Variants in DGAT1 observed in about 807,000 individuals in gnomAD.
DGAT1 encodes ACAT related gene product 1.
Under a neutral mutation model 72.6 loss-of-function variants are expected in DGAT1, and 60 were observed. That is an observed-to-expected ratio of 0.83 (90% CI 0.67 to 1.02). The LOEUF is 1.02. Among genes scored for constraint, DGAT1 ranks in the 50% least tolerant of loss-of-function variants. The pLI, the probability that DGAT1 is intolerant of heterozygous loss-of-function variation, is 0.00. For synonymous variants in DGAT1, 290 were observed against 267.5 expected (o/e 1.08, Z -0.82); for missense variants, 592 against 670.0 (o/e 0.88, Z 1.29).
In DGAT1 at chr8:144,314,692, A is replaced by G. The variant is rs1484244274; in HGVS notation, c.*1862T>C. ...CAGTGGATGGACGGACAAGACAGGC[A>G]GAGATCTATAAACAGACAGGCTCTA... is the stretch of plus-strand genomic sequence containing the variant. On this transcript the variant is annotated 3_prime_UTR_variant, in exon 17 of 17. Coordinates refer to ENST00000528718, the MANE Select transcript of DGAT1 (RefSeq NM_012079.6). 5 of 278,078 alleles carry G rather than the reference A, an allele frequency of 1.8e-5. No individual in the cohort carries two copies. The highest frequency in any genetic ancestry group is 2.3e-3 in the Middle Eastern group (2 of 858). 17.2% of individuals were successfully genotyped at this position (278,078 alleles called of 1,614,324 possible).
Position 144,317,544 on chromosome 8 carries a change from C to T in DGAT1, c.981G>A (p.Ala327=), listed in dbSNP as rs143753756. Residue 327 remains alanine, a splice_region_variant and synonymous_variant, in exon 12 of 17, where the codon GCG becomes GCA. Coordinates refer to ENST00000528718, the MANE Select transcript of DGAT1 (RefSeq NM_012079.6). ...SRIIERLLKL[A]VPNHLIWLIF... is the part of the protein sequence containing the mutation. ...GCATGCGCCACCTGTCCGCACTCAC[C>T]GCCAGCTTCAGGAGGCGCTCGATGA... 62 of 1,613,896 alleles carry T rather than the reference C, an allele frequency of 3.8e-5. No individual in the cohort carries two copies. Among genetic ancestry groups the T allele is most frequent in the Non-Finnish European group, 4.8e-5 (57 of 1,180,016 alleles).
intron 1 of DGAT1, among the ~76,000 whole-genome samples, chr8:144,322,603 C>T (rs1554848312): frequency 6.6e-6 from 1 of 152,238 alleles, no homozygotes; most frequent in African/African-American, 2.4e-5. Context: ...CCAACCTTTG[C>T]TCCCCAAGAC....
In DGAT1 at chr8:144,317,324, G is replaced by A. The variant is rs781966779; in HGVS notation, c.1094+9C>T. ...TCCCAGCCCCCAGGGACACCCCAGGGACACTCACCACCAGTCCCGGTAGAA... is the reference window on the plus strand; with the variant it reads ...TCCCAGCCCCCAGGGACACCCCAGGAACACTCACCACCAGTCCCGGTAGAA... On this transcript the variant is annotated intron_variant, in intron 13 of 16. Transcript: ENST00000528718. The A allele has an allele frequency of 8.1e-6, 13 of 1,613,480 alleles. No homozygotes were observed. In the South Asian group the frequency reaches 1.4e-4, roughly 18 times the overall value.
Position 144,314,784 on chromosome 8 carries a change from G to A in DGAT1, c.*1770C>T. ...GGTGGGTGGTGCTGCAATGAGGAGG[G>A]GCCCAGGGCACAGAAGGGCCGGGCT... On this transcript the variant is annotated 3_prime_UTR_variant, in exon 17 of 17. Coordinates refer to ENST00000528718, the MANE Select transcript of DGAT1 (RefSeq NM_012079.6). 2.3e-6 allele frequency: 1 copy of A among 437,224 alleles called. No individual in the cohort carries two copies. Among genetic ancestry groups the A allele is most frequent in the Non-Finnish European group, 3.1e-6 (1 of 323,750 alleles). 27.1% of individuals were successfully genotyped at this position (437,224 alleles called of 1,614,324 possible).
rs1476738638 is a variant in DGAT1, at chr8:144,318,107, G to C, written c.739C>G (p.Leu247Val). The C allele has an allele frequency of 6.5e-7, 1 of 1,535,364 alleles. No homozygotes were observed. Among genetic ancestry groups the C allele is most frequent in the Non-Finnish European group, 8.8e-7 (1 of 1,141,578 alleles). Residue 247 changes from leucine (L) to valine (V), a missense_variant, in exon 8 of 17, where the codon CTG becomes GTG. Physicochemically the swap from Leu to Val is conservative, Grantham distance 32. Transcript: ENST00000528718. ...APHTVSYPDN[L>V]TYRDLYYFLF... ...CAGAGGTCCTCACCGCGGTAGGTCAGATTGTCCGGGTAGCTCACGGTGTGC... is the reference window on the plus strand; with the variant it reads ...CAGAGGTCCTCACCGCGGTAGGTCACATTGTCCGGGTAGCTCACGGTGTGC...
At chr8:144,326,048 C>T (rs570293599) in intron 1 of DGAT1, among the ~76,000 whole-genome samples, 4 of 152,262 alleles carry the variant, frequency 2.6e-5, no homozygotes, top group Admixed American at 6.5e-5. Flanking sequence ...CCGCTCATAG[C>T]ACCAAGAAGG....
chr8:144,326,627 G>A lies in DGAT1; in HGVS notation c.10C>T (p.Arg4Cys). Reference protein sequence around the residue: MGDRGSSRRRRTGS... With the variant: MGDCGSSRRRRTGS... ...GTCCTCCGGCGCCGGGAGCTGCCGC[G>A]GTCGCCCATGGCCTCAGCCCGCACC... Residue 4 changes from arginine to cysteine, a missense_variant, in exon 1 of 17, where the codon CGC becomes TGC. Coordinates refer to ENST00000528718, the MANE Select transcript of DGAT1 (RefSeq NM_012079.6). 1 of 1,197,608 alleles carries A rather than the reference G, an allele frequency of 8.3e-7. No homozygotes were observed. Among genetic ancestry groups the A allele is most frequent in the Non-Finnish European group, 1.0e-6 (1 of 966,002 alleles). 74.2% of individuals were successfully genotyped at this position (1,197,608 alleles called of 1,614,324 possible).
chr8:144,319,172 G>A (rs1817370794), intron 2 of DGAT1, 104 bp from the exon 3 acceptor site: 8 of 1,390,450 alleles, frequency 5.8e-6, no homozygotes, highest in Admixed American at 2.0e-5. Flanking sequence ...CCGAGCTCAG[G>A]GCGGCAGCCT....
rs1430373799 is a variant in DGAT1 at position 144,315,136 on chromosome 8, TG to T, written c.*1417del. On this transcript the variant is annotated 3_prime_UTR_variant, in exon 17 of 17. Coordinates refer to ENST00000528718, the MANE Select transcript of DGAT1 (RefSeq NM_012079.6). ...AGGGAAGGGGGCCTGCGCTGGGCAG[TG>T]GAGCAGGCTTTGCTGCTTTATCTGG... 1.4e-5 allele frequency: 14 copies of T among 985,472 alleles called. No individual in the cohort carries two copies. The East Asian group carries it at 1.4e-3, about 96-fold the overall frequency. The allele number at this position is 985,472 out of a possible 1,614,324, so 61.0% of individuals were successfully genotyped here.
intron 16 of DGAT1, 37 bp from the exon 17 acceptor site, chr8:144,316,746 A>T: frequency 6.2e-7 from 1 of 1,605,318 alleles, no homozygotes. Flanking sequence ...GGCCATGGTG[A>T]CCACAGGGCT....
chr8:144,323,384 C>T (rs1817511115), intron 1 of DGAT1, among the ~76,000 whole-genome samples: 1 of 152,094 alleles, frequency 6.6e-6, no homozygotes, highest in Admixed American at 6.6e-5. Context: ...CAGGCCTGAC[C>T]AGCCCCACCC....
At chr8:144,325,586 G>A (rs1008546297) in intron 1 of DGAT1, among the ~76,000 whole-genome samples, 5 of 152,202 alleles carry the variant, frequency 3.3e-5, no homozygotes, top group African/African-American at 4.8e-5. Context: ...GGGGATGGAG[G>A]GTGGCAAGGG....
rs782749290 is a variant in DGAT1 at position 144,318,936 on chromosome 8, T to A, written c.330-16A>T. On this transcript the variant is annotated splice_polypyrimidine_tract_variant and intron_variant, in intron 3 of 16. Coordinates refer to ENST00000528718, the MANE Select transcript of DGAT1 (RefSeq NM_012079.6). ...GATGCCATACCTGGGGGTGGAGGGA[T>A]GGGGGTCTGAGTGGGTGGCAGGTGG... The A allele has an allele frequency of 1.8e-6, 2 of 1,119,854 alleles. No homozygotes were observed. Among genetic ancestry groups the A allele is most frequent in the Non-Finnish European group, 2.3e-6 (2 of 888,794 alleles). 69.4% of individuals were successfully genotyped at this position (1,119,854 alleles called of 1,614,324 possible).
At chr8:144,321,840 G>A (rs1296709275) in intron 1 of DGAT1, among the ~76,000 whole-genome samples, 1 of 152,262 alleles carries the variant, frequency 6.6e-6, no homozygotes, top group Non-Finnish European at 1.5e-5. Context: ...GGTGAGGGTT[G>A]AGTCCACCCT....
Position 144,315,414 on chromosome 8 carries a change from C to T in DGAT1, c.*1140G>A, listed in dbSNP as rs910331745. 14 of 985,386 alleles carry T rather than the reference C, an allele frequency of 1.4e-5. No individual in the cohort carries two copies. The East Asian group carries it at 6.8e-4, about 48-fold the overall frequency. The allele number at this position is 985,386 out of a possible 1,614,324, so 61.0% of individuals were successfully genotyped here. A position where few individuals can be genotyped will look rare whatever the true frequency, so the allele number is the denominator to read the frequency against. ...CAGTTCAGCAGGTTGCTGATGAGGC[C>T]CCTGGTGCAGTCCTGGGACCCTGTG... On this transcript the variant is annotated 3_prime_UTR_variant, in exon 17 of 17. Coordinates refer to ENST00000528718, the MANE Select transcript of DGAT1 (RefSeq NM_012079.6).
At chr8:144,326,413 T>G (rs1385292763) in intron 1 of DGAT1, 24 bp downstream of exon 1, 1 of 1,387,780 alleles carries the variant, frequency 7.2e-7, no homozygotes, top group African/African-American at 1.5e-5. Context: ...GGGTCAGAGG[T>G]TAGGGGGTCA....
Position 144,326,474 on chromosome 8 carries a change from C to CG in DGAT1, c.162dup (p.Gly55ArgfsTer25). 7.5e-7 allele frequency: 1 copy of CG among 1,336,008 alleles called. No homozygotes were observed. The highest frequency in any genetic ancestry group is 3.1e-5 in the East Asian group (1 of 32,032). The allele number at this position is 1,336,008 out of a possible 1,614,324, so 82.8% of individuals were successfully genotyped here. The stretch of plus-strand genomic sequence containing the variant: ...TGGCCGCTGCCCACGCCGGCGTCTC[C>CG]GTCCTTGTTGGGGGCCGGGGCTGGC... On this transcript the variant is annotated frameshift_variant, in exon 1 of 17. Coordinates refer to ENST00000528718, the MANE Select transcript of DGAT1 (RefSeq NM_012079.6). LOFTEE classifies it high-confidence loss of function.
Position 144,315,185 on chromosome 8 carries a change from T to C in DGAT1, c.*1369A>G, listed in dbSNP as rs1041935449. 4.1e-6 allele frequency: 4 copies of C among 985,458 alleles called. No homozygotes were observed. The highest frequency in any genetic ancestry group is 6.1e-5 in the Admixed American group (1 of 16,288). The allele number at this position is 985,458 out of a possible 1,614,324, so 61.0% of individuals were successfully genotyped here. A position where few individuals can be genotyped will look rare whatever the true frequency, so the allele number is the denominator to read the frequency against. ...TGGCAGCAACAGTTTGTTCTCGAGC[T>C]CCACTGGCCAACTGATAGGGAGAGG... On this transcript the variant is annotated 3_prime_UTR_variant, in exon 17 of 17. Coordinates refer to ENST00000528718, the MANE Select transcript of DGAT1 (RefSeq NM_012079.6).
In DGAT1 at chr8:144,317,208, G is replaced by C. The variant is rs146441969; in HGVS notation, c.1139C>G (p.Pro380Arg). 6.2e-7 allele frequency: 1 copy of C among 1,610,420 alleles called. No individual in the cohort carries two copies. The change falls in exon 14 of 17, where the codon CCT becomes CGT. Residue 380 changes from proline (P) to arginine (R), a missense_variant. Pro to Arg is a moderately radical substitution (Grantham distance 103). Coordinates refer to ENST00000528718, the MANE Select transcript of DGAT1 (RefSeq NM_012079.6). The stretch of plus-strand genomic sequence containing the variant: ...CTACCTGATGCACCACTTGTGCACA[G>C]GGATGTTCCAGTTCTGCCAGAAGTA... Reference protein sequence around the residue: ...VTYFWQNWNIPVHKWCIRHFY... With the variant: ...VTYFWQNWNIRVHKWCIRHFY...
Sources: allele counts gnomAD v4.1 joint callset (sites outside exome capture counted in the v4.1 genomes callset), GRCh38; gene constraint gnomAD v4.1.1; transcripts MANE v1.5; gene names NCBI Gene and HGNC (gene_info 2026-07-23, HGNC 2026-07-21).